The following LTBP2 variants were observed in gnomAD, a reference collection of about 807,000 sequenced individuals.
The protein encoded by LTBP2 is latent transforming growth factor beta binding protein 2.
In LTBP2, 103 loss-of-function variants were observed where a neutral mutation model predicts 210.6. That is an observed-to-expected ratio of 0.49 (90% CI 0.42 to 0.58). LTBP2 has a LOEUF of 0.58. Ranked by LOEUF, LTBP2 falls within the 20% of genes least tolerant of loss-of-function variation. The pLI is 0.00. For synonymous variants in LTBP2, 1,007 were observed against 1,015.0 expected (o/e 0.99, Z 0.15); for missense variants, 2,313 against 2,494.5 (o/e 0.93, Z 1.55).
At chr14:74,502,317 G>T (rs1221179288) in intron 34 of LTBP2, among the ~76,000 whole-genome samples, 1 of 152,192 alleles carries the variant, frequency 6.6e-6, no homozygotes, top group African/African-American at 2.4e-5. Context: ...CTTAGAGCAG[G>T]TTATTCTGCA....
At chr14:74,547,379 C>T (rs12100463) in intron 8 of LTBP2, among the ~76,000 whole-genome samples, 649 of 152,224 alleles carry the variant, frequency 4.3e-3, no homozygotes, top group Non-Finnish European at 6.5e-3. Context: ...GGCCTGAAGA[C>T]TTGCCCAGAG....
At chr14:74,547,740 G>A (rs2087595589) in intron 8 of LTBP2, among the ~76,000 whole-genome samples, 1 of 152,084 alleles carries the variant, frequency 6.6e-6, no homozygotes, top group Non-Finnish European at 1.5e-5. Context: ...ACCTTGGTCA[G>A]CGCAGCAGGT....
intron 2 of LTBP2, among the ~76,000 whole-genome samples, chr14:74,602,275 C>T (rs2088458892): frequency 6.6e-6 from 1 of 152,232 alleles, no homozygotes; most frequent in Admixed American, 6.5e-5. Context: ...CGATGATAAG[C>T]ATACACCTAC....
intron 1 of LTBP2, among the ~76,000 whole-genome samples, chr14:74,605,614 C>T (rs985696236): frequency 1.3e-5 from 2 of 152,194 alleles, no homozygotes; most frequent in African/African-American, 4.8e-5. Context: ...AGATTCTGTG[C>T]CCTGGGAATT....
chr14:74,549,231 G>A (rs182812805), intron 8 of LTBP2, among the ~76,000 whole-genome samples: 1 of 152,378 alleles, frequency 6.6e-6, no homozygotes, highest in African/African-American at 2.4e-5. Context: ...TAAGACTGGG[G>A]AGAGCATCGT....
intron 17 of LTBP2, among the ~76,000 whole-genome samples, chr14:74,518,130 A>T (rs2139705787): frequency 6.6e-6 from 1 of 152,296 alleles, no homozygotes; most frequent in East Asian, 1.9e-4. Flanking sequence ...CTGTCCCCAC[A>T]GTCAAATTAA....
intron 3 of LTBP2, among the ~76,000 whole-genome samples, chr14:74,568,068 G>A (rs1362133859): frequency 6.6e-6 from 1 of 152,130 alleles, no homozygotes; most frequent in Non-Finnish European, 1.5e-5. Context: ...GAGCATACCT[G>A]GTGCCTTCGC....
chr14:74,530,051 T>C (rs1252311050), intron 10 of LTBP2, among the ~76,000 whole-genome samples: 2 of 152,194 alleles, frequency 1.3e-5, no homozygotes, highest in African/African-American at 2.4e-5. Flanking sequence ...ACGTGTAAAA[T>C]GAAGATGAGA....
chr14:74,524,302 T>C (rs1224580216), intron 15 of LTBP2, among the ~76,000 whole-genome samples: 2 of 151,970 alleles, frequency 1.3e-5, no homozygotes, highest in African/African-American at 4.8e-5. Flanking sequence ...GTCAGTGGGG[T>C]GTGCCTGGGA....
At chr14:74,592,017 GT>G (rs1343270363) in intron 2 of LTBP2, among the ~76,000 whole-genome samples, 1 of 152,210 alleles carries the variant, frequency 6.6e-6, no homozygotes, top group Non-Finnish European at 1.5e-5. Flanking sequence ...GCCACTGCAT[GT>G]TGGTACTTAA....
At chr14:74,559,812 C>G (rs1222987874) in intron 3 of LTBP2, 2 of 152,350 alleles carry the variant, frequency 1.3e-5, no homozygotes, top group East Asian at 3.9e-4. Context: ...ATGTTTGCCC[C>G]AGGCTGGTCC....
In LTBP2 at chr14:74,611,501, TGG is replaced by T. The variant is rs747161431; in HGVS notation, c.442_443del (p.Pro148ThrfsTer77). The T allele has an allele frequency of 1.3e-6, 2 of 1,520,698 alleles. No individual in the cohort carries two copies. The highest frequency in any genetic ancestry group is 1.4e-5 in the African/African-American group (1 of 69,476). 94.2% of individuals were successfully genotyped at this position (1,520,698 alleles called of 1,614,324 possible). A position where few individuals can be genotyped will look rare whatever the true frequency, so the allele number is the denominator to read the frequency against. On this transcript the variant is annotated frameshift_variant, in exon 1 of 36. Coordinates refer to ENST00000261978, the MANE Select transcript of LTBP2 (RefSeq NM_000428.3). LOFTEE classifies it high-confidence loss of function. Reference protein sequence around the residue: ...AAPALPRLGTPQRSGAAPPTP... With the variant: ...AAPALPRLGTXQRSGAAPPTP... ...TTGGGGGCGCAGCCCCAGACCGCTG[TGG>T]GGTCCCCAGGCGTGGGAGAGCCGGC...
At chr14:74,544,397 G>A (rs1358981714) in intron 8 of LTBP2, among the ~76,000 whole-genome samples, 1 of 152,310 alleles carries the variant, frequency 6.6e-6, no homozygotes, top group Non-Finnish European at 1.5e-5. Context: ...GTAAAATGGG[G>A]ATAATAGCAC....
rs1456873726 is a variant in LTBP2 at position 74,504,024 on chromosome 14, C to T, written c.4484G>A (p.Gly1495Asp). The T allele has an allele frequency of 3.2e-5, 51 of 1,614,052 alleles. No individual in the cohort carries two copies. The highest frequency in any genetic ancestry group is 4.2e-5 in the Non-Finnish European group (50 of 1,180,024). The change falls in exon 31 of 36, where the codon GGT becomes GAT. Residue 1495 changes from glycine (G) to aspartate (D), a missense_variant. By Grantham distance (94) the Gly-to-Asp change is moderately conservative (BLOSUM62 -1). Around this residue, in one of 3 missense-constraint regions of LTBP2, gnomAD observed 443 missense variants for 501.4 expected, o/e 0.88. Transcript: ENST00000261978. The stretch of plus-strand genomic sequence containing the variant: ...GAGGCACCGGCCGTTCGGGCAGAGA[C>T]CAGGCCCGAATATCACACACTCATC... ...DADECVIFGP[G>D]LCPNGRCLNT...
intron 3 of LTBP2, among the ~76,000 whole-genome samples, chr14:74,582,395 CAT>C (rs1465674082): frequency 0.016 from 1,409 of 85,748 alleles, 12 homozygotes; most frequent in African/African-American, 0.06. Flanking sequence ...CACACACATA[CAT>C]ACACACACAC....
In LTBP2 at chr14:74,503,209, T is replaced by TC; in HGVS notation, c.4888+9dup. The TC allele has an allele frequency of 1.2e-6, 2 of 1,613,476 alleles. No individual in the cohort carries two copies. Among genetic ancestry groups the TC allele is most frequent in the Non-Finnish European group, 1.7e-6 (2 of 1,179,922 alleles). On this transcript the variant is annotated intron_variant, in intron 33 of 35. Coordinates refer to ENST00000261978, the MANE Select transcript of LTBP2 (RefSeq NM_000428.3). ...CAGCCCTGCAGGGTATCCCCTTTGC[T>TC]CCCCCTCACCAGAGCTCCTCGGGGG...
chr14:74,506,534 G>A (rs929631307), intron 27 of LTBP2, among the ~76,000 whole-genome samples, 164 bp downstream of exon 27: 1 of 152,216 alleles, frequency 6.6e-6, no homozygotes, highest in South Asian at 2.1e-4. Context: ...CCCGGCCCAT[G>A]TGCCCCTGGG....
At chr14:74,608,202 G>T (rs944757626) in intron 1 of LTBP2, among the ~76,000 whole-genome samples, 1 of 151,348 alleles carries the variant, frequency 6.6e-6, no homozygotes, top group African/African-American at 2.4e-5. Context: ...TTACAGGCAT[G>T]AGCCACCGCG....
At chr14:74,509,608 TG>T in intron 21 of LTBP2, 125 bp downstream of exon 21, 1 of 1,395,528 alleles carries the variant, frequency 7.2e-7, no homozygotes, top group Non-Finnish European at 1.0e-6. Context: ...GGTCCATTTA[TG>T]GGGTCTTCTA....
Sources: gnomAD v4.1 joint callset for allele counts (sites outside exome capture counted in the v4.1 genomes callset) on GRCh38, gnomAD v4.1.1 for gene constraint, gnomAD v4.1.1 regional missense constraint, MANE v1.5 for transcripts, NCBI Gene and HGNC (gene_info 2026-07-23, HGNC 2026-07-21) for gene names.